TRMT112: variants seen among roughly 807,000 people sequenced by gnomAD.
TRMT112 encodes multifunctional methyltransferase subunit TRM112-like protein.
TRMT112 carries 9 observed loss-of-function variants against 13.8 expected under a neutral mutation model. The ratio of observed to expected loss-of-function variants is 0.65; its 90% CI spans 0.39 to 1.14. The LOEUF (loss-of-function observed/expected upper bound fraction) is 1.14. Ranked by LOEUF, TRMT112 falls within the 50% of genes most tolerant of loss-of-function variation. The pLI is 0.01. For missense variants in TRMT112, 196 were observed against 165.5 expected (o/e 1.18, Z -1.01); for synonymous variants, 64 against 67.0 (o/e 0.96, Z 0.22).
chr11:64,317,655 T>C (rs942274975), upstream of TRMT112: 61 of 1,065,038 alleles, frequency 5.7e-5, no homozygotes, highest in Non-Finnish European at 7.9e-5. Context: ...TTGCTGGAAC[T>C]TCTCGTGTTT....
rs748498819 is a variant in TRMT112 at position 64,317,044 on chromosome 11, G to GGCCC, written c.270+13_270+14insGGGC. 11 of 1,613,908 alleles carry GGCCC rather than the reference G, an allele frequency of 6.8e-6. No individual in the cohort carries two copies. The African/African-American group carries it at 1.5e-4, about 22-fold the overall frequency. ...GCAGGTGGCCCGGGAAGCAAGTGATGGGCCGCTTCTCACCTCCAGCAGCAG... is the reference window on the plus strand; with the variant it reads ...GCAGGTGGCCCGGGAAGCAAGTGATGGCCCGGCCGCTTCTCACCTCCAGCAGCAG... On this transcript the variant is annotated intron_variant, in intron 3 of 3. Coordinates refer to ENST00000544844, the MANE Select transcript of TRMT112 (RefSeq NM_016404.3).
chr11:64,316,989 A>G, intron 3 of TRMT112, 21 bp from the exon 4 acceptor site: 1 of 1,612,756 alleles, frequency 6.2e-7, no homozygotes, highest in Non-Finnish European at 8.5e-7. Context: ...GGAGGGACAG[A>G]GCTGAGCACT....
At chr11:64,318,508 C>A, upstream of TRMT112, 1 of 1,321,374 alleles carries the variant, frequency 7.6e-7, no homozygotes, top group Non-Finnish European at 1.0e-6. Context: ...GCCCGCCCGG[C>A]TCATCCCTTC....
Position 64,316,825 on chromosome 11 carries a change from C to T in TRMT112, c.*36G>A. ...AACAGGGTATAGATCAACAAAAATA[C>T]ACAGTCATAACAAGAAAAACTGGCG... is the stretch of plus-strand genomic sequence containing the variant. On this transcript the variant is annotated 3_prime_UTR_variant, in exon 4 of 4. Transcript: ENST00000544844. 7.0e-7 allele frequency: 1 copy of T among 1,428,376 alleles called. No individual in the cohort carries two copies. Among genetic ancestry groups the T allele is most frequent in the East Asian group, 2.3e-5 (1 of 43,956 alleles). 88.5% of individuals were successfully genotyped at this position (1,428,376 alleles called of 1,614,324 possible). A position where few individuals can be genotyped will look rare whatever the true frequency, so the allele number is the denominator to read the frequency against.
chr11:64,317,266 T>C lies in TRMT112; in HGVS notation c.178A>G (p.Asn60Asp), dbSNP rs2035316026. The C allele has an allele frequency of 3.7e-6, 6 of 1,610,090 alleles. No individual in the cohort carries two copies. Among genetic ancestry groups the C allele is most frequent in the African/African-American group, 1.3e-5 (1 of 74,824 alleles). The part of the protein sequence containing the change: ...EWSAFLEAAD[N>D]LRLIQVPKGP... Reference sequence around the variant, plus strand: ...TGGGGCGGGGTAAGGATCCTCACGTTATCGGCCGCCTCCAGGAACGCCGAC... The same window carrying C: ...TGGGGCGGGGTAAGGATCCTCACGTCATCGGCCGCCTCCAGGAACGCCGAC... Residue 60 changes from asparagine (N) to aspartate (D), a missense_variant and splice_region_variant, in exon 2 of 4, where the codon AAC becomes GAC. Physicochemically the swap from Asn to Asp is conservative, Grantham distance 23 (BLOSUM62 1). Transcript: ENST00000544844.
At position 64,316,949 on chromosome 11, in the gene TRMT112, G is replaced by T. The variant is rs140861721; in HGVS notation, c.290C>A (p.Thr97Asn). ...ACGTCCAGATTCCGGGCACTGCAGG[G>T]TGCCCTCTATCACTTCCACCTGCGG... ...LLLEVEVIEGTLQCPESGRMF... is the reference protein window; with the variant it reads ...LLLEVEVIEGNLQCPESGRMF... The change falls in exon 4 of 4, where the codon ACC (threonine) becomes AAC (asparagine). Residue 97 changes from threonine (T) to asparagine (N), a missense_variant. Transcript: ENST00000544844. 9 of 1,613,068 alleles carry T rather than the reference G, an allele frequency of 5.6e-6. No individual in the cohort carries two copies. In the African/African-American group the frequency reaches 1.2e-4, roughly 22 times the overall value.
chr11:64,318,469 A>C, upstream of TRMT112: 1 of 1,486,664 alleles, frequency 6.7e-7, no homozygotes, highest in Non-Finnish European at 9.0e-7. Flanking sequence ...GTATCGCTTT[A>C]TTTCCTGCCT....
Position 64,316,644 on chromosome 11 carries a change from G to A in TRMT112, c.*217C>T. The A allele has an allele frequency of 7.2e-6, 4 of 555,534 alleles. No homozygotes were observed. Among genetic ancestry groups the A allele is most frequent in the Admixed American group, 3.2e-5 (1 of 31,424 alleles). The allele number at this position is 555,534 out of a possible 1,614,324, so 34.4% of individuals were successfully genotyped here. ...AAGCCAGGGCCCAGAGCCCTTGGCTGTACAGAGACTCTATTTTAATGTATA... is the reference window on the plus strand; with the variant it reads ...AAGCCAGGGCCCAGAGCCCTTGGCTATACAGAGACTCTATTTTAATGTATA... On this transcript the variant is annotated 3_prime_UTR_variant, in exon 4 of 4. Transcript: ENST00000544844.
chr11:64,317,119 G>A lies in TRMT112; in HGVS notation c.209C>T (p.Pro70Leu), dbSNP rs761530009. 6.2e-7 allele frequency: 1 copy of A among 1,614,110 alleles called. No individual in the cohort carries two copies. Among genetic ancestry groups the A allele is most frequent in the Admixed American group, 1.7e-5 (1 of 60,006 alleles). Reference sequence around the variant, plus strand: ...CTCATTCTCCTCATATCCCTCAACCGGCCCTTTCGGCACCTGGATCAGACG... The same window carrying A: ...CTCATTCTCCTCATATCCCTCAACCAGCCCTTTCGGCACCTGGATCAGACG... ...NLRLIQVPKGPVEGYEENEEF... is the reference protein window; with the variant it reads ...NLRLIQVPKGLVEGYEENEEF... Residue 70 changes from proline (P) to leucine (L), a missense_variant, in exon 3 of 4, where the codon CCG (proline) becomes CTG (leucine). Transcript: ENST00000544844.
upstream of TRMT112, chr11:64,317,678 G>T: frequency 1.1e-6 from 1 of 880,858 alleles, no homozygotes; most frequent in Non-Finnish European, 1.7e-6. Context: ...GGGAGCTGAG[G>T]TAGGTAGGTG....
In TRMT112 at chr11:64,317,545, G is replaced by C; in HGVS notation, c.-19C>G. ...GTTTCATGTCGCCGCACAAACTCTC[G>C]CCAGGCCGGAACCGGAAAAAGGTCG... On this transcript the variant is annotated 5_prime_UTR_variant, in exon 1 of 4. Transcript: ENST00000544844. 3 of 1,534,690 alleles carry C rather than the reference G, an allele frequency of 2.0e-6. No individual in the cohort carries two copies. The highest frequency in any genetic ancestry group is 2.6e-6 in the Non-Finnish European group (3 of 1,132,560).
upstream of TRMT112, chr11:64,318,329 G>A (rs1180592161): frequency 6.2e-7 from 1 of 1,612,538 alleles, no homozygotes; most frequent in Admixed American, 1.7e-5. Flanking sequence ...AAGGAGAGTG[G>A]GCGTCTGGCG....
At chr11:64,317,227 T>C (rs547804712) in intron 2 of TRMT112, 37 bp downstream of exon 2, 9 of 1,607,664 alleles carry the variant, frequency 5.6e-6, no homozygotes, top group South Asian at 1.1e-5. Flanking sequence ...CGCCCCGCAT[T>C]CCCCGGGATA....
At chr11:64,318,460 T>C, upstream of TRMT112, 1 of 1,513,032 alleles carries the variant, frequency 6.6e-7, no homozygotes, top group Non-Finnish European at 8.9e-7. Context: ...AGTCTGAGAG[T>C]ATCGCTTTAT....
At chr11:64,318,131 G>T (rs2035359015), upstream of TRMT112, 7 of 1,565,562 alleles carry the variant, frequency 4.5e-6, no homozygotes, top group East Asian at 1.6e-4. Flanking sequence ...CTTCCGCAGG[G>T]TGTCGCCGCT....
chr11:64,318,059 C>G (rs988098997), upstream of TRMT112: 10 of 1,437,624 alleles, frequency 7.0e-6, no homozygotes, highest in Non-Finnish European at 8.2e-6. Context: ...GGCGTGGGTC[C>G]CGGAAGCTCT....
At chr11:64,317,740 C>G (rs1179163770), upstream of TRMT112, 38 of 744,472 alleles carry the variant, frequency 5.1e-5, no homozygotes, top group Non-Finnish European at 7.2e-5. Context: ...GCAGGAGGTT[C>G]CTACGGCGCA....
In TRMT112 at chr11:64,316,735, G is replaced by C; in HGVS notation, c.*126C>G. The C allele has an allele frequency of 1.5e-6, 1 of 680,592 alleles. No homozygotes were observed. Among genetic ancestry groups the C allele is most frequent in the Non-Finnish European group, 2.6e-6 (1 of 379,400 alleles). The allele number at this position is 680,592 out of a possible 1,614,324, so 42.2% of individuals were successfully genotyped here. On this transcript the variant is annotated 3_prime_UTR_variant, in exon 4 of 4. Transcript: ENST00000544844. ...ATGAGAAAAAAATATATAATACCGAGCTCAAAAACACTGTGTTTGGTGTCA... is the reference window on the plus strand; with the variant it reads ...ATGAGAAAAAAATATATAATACCGACCTCAAAAACACTGTGTTTGGTGTCA...
chr11:64,316,553 G>T lies in TRMT112; in HGVS notation c.*308C>A, dbSNP rs183554515. 5.7e-4 allele frequency: 181 copies of T among 317,590 alleles called. No individual in the cohort carries two copies. Among genetic ancestry groups the T allele is most frequent in the Admixed American group, 1.7e-3 (36 of 21,276 alleles). 19.7% of individuals were successfully genotyped at this position (317,590 alleles called of 1,614,324 possible). ...GGGGGTAGGAGAGCACTGCCTCTATGCCCTGCAGAGCAATAACACTATATT... is the reference window on the plus strand; with the variant it reads ...GGGGGTAGGAGAGCACTGCCTCTATTCCCTGCAGAGCAATAACACTATATT... On this transcript the variant is annotated 3_prime_UTR_variant, in exon 4 of 4. Coordinates refer to ENST00000544844, the MANE Select transcript of TRMT112 (RefSeq NM_016404.3).
Sources: gnomAD v4.1 joint callset for allele counts on GRCh38, gnomAD v4.1.1 for gene constraint, MANE v1.5 for transcripts, NCBI Gene and HGNC (gene_info 2026-07-23, HGNC 2026-07-21) for gene names.